SYNE2: variants seen among roughly 807,000 people sequenced by gnomAD.
The protein encoded by SYNE2 is nesprin-2.
A neutral mutation model predicts 856.3 loss-of-function variants in SYNE2; 431 were observed. The ratio of observed to expected loss-of-function variants is 0.50; its 90% CI spans 0.47 to 0.55. The LOEUF is 0.55. Ranked by LOEUF, SYNE2 falls within the 20% of genes least tolerant of loss-of-function variation. The pLI, the probability that SYNE2 is intolerant of heterozygous loss-of-function variation, is 0.00. For missense variants in SYNE2, 8,129 were observed against 8,023.2 expected, an observed-to-expected ratio of 1.01 and a Z score of -0.50; for synonymous variants, 2,923 against 2,872.3, an observed-to-expected ratio of 1.02 and a Z score of -0.56.
At chr14:64,002,200 G>T (rs12147217) in intron 29 of SYNE2, 119 bp downstream of exon 29, 231 of 861,828 alleles carry the variant, frequency 2.7e-4, no homozygotes, top group African/African-American at 2.9e-4. Context: ...AGCCATGACA[G>T]TTTTTTTTTC....
chr14:63,799,501 G>A (rs547498261), intron 1 of SYNE2, among the ~76,000 whole-genome samples: 1 of 151,766 alleles, frequency 6.6e-6, no homozygotes, highest in South Asian at 2.1e-4. Flanking sequence ...GACCATCCTG[G>A]GCAACACAGT....
chr14:64,219,028 C>G (rs2098679752), intron 109 of SYNE2, among the ~76,000 whole-genome samples, 180 bp from the exon 110 acceptor site: 2 of 151,270 alleles, frequency 1.3e-5, no homozygotes, highest in Non-Finnish European at 2.9e-5. Flanking sequence ...AGATCATGTG[C>G]TATTCCACAT....
intron 1 of SYNE2, among the ~76,000 whole-genome samples, chr14:63,799,457 A>C (rs899410343): frequency 3.0e-5 from 4 of 134,032 alleles, no homozygotes; most frequent in Admixed American, 1.6e-4. Flanking sequence ...GCACTTTGGG[A>C]GGCTGAGGCA....
chr14:63,776,453 A>G (rs1170512250), intron 1 of SYNE2, among the ~76,000 whole-genome samples: 6 of 152,160 alleles, frequency 3.9e-5, no homozygotes, highest in African/African-American at 1.4e-4. Flanking sequence ...CAAAAATAGT[A>G]AGAGAGTTTT....
intron 6 of SYNE2, among the ~76,000 whole-genome samples, chr14:63,948,190 C>G (rs2096067835): frequency 2.6e-5 from 4 of 151,964 alleles, no homozygotes; most frequent in African/African-American, 7.3e-5. Context: ...CACACACACA[C>G]ACACACACTC....
At chr14:64,182,456 A>G (rs1172879258) in intron 96 of SYNE2, among the ~76,000 whole-genome samples, 4 of 152,048 alleles carry the variant, frequency 2.6e-5, no homozygotes, top group Admixed American at 2.6e-4. Context: ...TGGCACGGTC[A>G]TAGGACAATA....
intron 2 of SYNE2, among the ~76,000 whole-genome samples, chr14:63,921,427 G>A (rs1233959881): frequency 6.6e-6 from 1 of 152,044 alleles, no homozygotes; most frequent in East Asian, 1.9e-4. Flanking sequence ...AAAAGAGAAG[G>A]GTCTAGGCAG....
intron 18 of SYNE2, among the ~76,000 whole-genome samples, chr14:63,984,609 C>CT (rs1240878649): frequency 6.6e-6 from 1 of 151,986 alleles, no homozygotes; most frequent in African/African-American, 2.4e-5. Flanking sequence ...TAGAGTCATC[C>CT]TACCAAGTAT....
At chr14:64,060,325 G>A (rs1335686136) in intron 49 of SYNE2, among the ~76,000 whole-genome samples, 1 of 152,018 alleles carries the variant, frequency 6.6e-6, no homozygotes, top group African/African-American at 2.4e-5. Context: ...TGCCACTGTT[G>A]ATTATTCAGG....
At chr14:64,009,152 A>C (rs8022635) in intron 31 of SYNE2, among the ~76,000 whole-genome samples, 89,397 of 151,998 alleles carry the variant, frequency 0.59, 27,976 homozygotes, top group African/African-American at 0.82. Flanking sequence ...CAGTGCCCAC[A>C]TGTAGTAGAA....
At chr14:64,083,669 G>A (rs770822947) in intron 57 of SYNE2, among the ~76,000 whole-genome samples, 26 of 152,250 alleles carry the variant, frequency 1.7e-4, no homozygotes, top group Admixed American at 3.3e-4. Context: ...CCTCATTTGT[G>A]CAATAATCTT....
chr14:64,210,272 C>A, intron 103 of SYNE2, 148 bp downstream of exon 103: 1 of 1,063,014 alleles, frequency 9.4e-7, no homozygotes, highest in Non-Finnish European at 1.3e-6. Flanking sequence ...ACAAAGAAGC[C>A]CAAAGCTGCC....
At chr14:63,877,690 G>A (rs2094758415) in intron 1 of SYNE2, among the ~76,000 whole-genome samples, 1 of 152,312 alleles carries the variant, frequency 6.6e-6, no homozygotes, top group Admixed American at 6.5e-5. Context: ...TTTAACAGTG[G>A]AGTTGGGGAT....
intron 70 of SYNE2, among the ~76,000 whole-genome samples, 178 bp from the exon 71 acceptor site, chr14:64,124,901 G>A (rs2097926770): frequency 1.3e-5 from 2 of 152,200 alleles, no homozygotes; most frequent in Admixed American, 1.3e-4. Flanking sequence ...TACTCGGGAG[G>A]CTGAGGTAGG....
chr14:63,965,414 G>A (rs531739827), intron 10 of SYNE2, among the ~76,000 whole-genome samples: 15 of 152,318 alleles, frequency 9.8e-5, no homozygotes, highest in African/African-American at 3.6e-4. Context: ...GTAGACATGG[G>A]ATTTGAATGG....
chr14:63,887,663 TC>T (rs1205034437), intron 1 of SYNE2, among the ~76,000 whole-genome samples: 2 of 151,498 alleles, frequency 1.3e-5, no homozygotes, highest in African/African-American at 4.9e-5. Flanking sequence ...TGGTTTTTTT[TC>T]CCCCCCATTC....
rs1430457835 is a variant in SYNE2, at chr14:64,130,188, T to A, written c.14280T>A (p.His4760Gln). Reference protein sequence around the residue: ...LVKIGKEKLAHGHLKQTKSKV... With the variant: ...LVKIGKEKLAQGHLKQTKSKV... ...AGATTGGGAAGGAAAAGCTTGCTCA[T>A]GGCCACTTAAAACAAACCAAAAGTA... Residue 4760 changes from histidine (H) to glutamine (Q), a missense_variant, in exon 76 of 116, where the codon CAT becomes CAA. Coordinates refer to ENST00000555002, the MANE Select transcript of SYNE2 (RefSeq NM_182914.3). 2.5e-6 allele frequency: 4 copies of A among 1,614,068 alleles called. No homozygotes were observed. The highest frequency in any genetic ancestry group is 3.4e-6 in the Non-Finnish European group (4 of 1,179,990).
chr14:63,812,315 T>C (rs1263728105), intron 1 of SYNE2, among the ~76,000 whole-genome samples: 1 of 152,232 alleles, frequency 6.6e-6, no homozygotes, highest in Non-Finnish European at 1.5e-5. Context: ...AAGAAAAATA[T>C]GGCTCTATTC....
intron 1 of SYNE2, among the ~76,000 whole-genome samples, chr14:63,794,192 T>A (rs1887837396): frequency 1.3e-5 from 2 of 152,230 alleles, no homozygotes; most frequent in Admixed American, 1.3e-4. Context: ...TTATTTTTGT[T>A]GTTGTTACAG....
Sources: allele counts gnomAD v4.1 joint callset (sites outside exome capture counted in the v4.1 genomes callset), GRCh38; gene constraint gnomAD v4.1.1; transcripts MANE v1.5; gene names NCBI Gene and HGNC (gene_info 2026-07-23, HGNC 2026-07-21).